The following TANGO6 variants were observed in gnomAD, a reference collection of about 807,000 sequenced individuals.
TANGO6 encodes the protein transport and golgi organization 6 homolog, also known as transport and Golgi organization protein 6 homolog.
In TANGO6, 90 loss-of-function variants were observed where a neutral mutation model predicts 114.2. That is an observed-to-expected ratio of 0.79 (90% CI 0.66 to 0.94). The LOEUF (loss-of-function observed/expected upper bound fraction) is 0.94, where lower values mean the gene tolerates loss of function less well. Ranked by LOEUF, TANGO6 falls within the 40% of genes least tolerant of loss-of-function variation. The probability of loss-of-function intolerance (pLI) is 0.00; values close to 1 mark genes in which losing one functional copy is unlikely to be tolerated. For synonymous variants in TANGO6, 477 were observed against 509.8 expected (o/e 0.94, Z 0.87); for missense variants, 1,274 against 1,315.3 (o/e 0.97, Z 0.49).
At chr16:68,883,211 T>G (rs1007420261) in intron 7 of TANGO6, among the ~76,000 whole-genome samples, 1 of 151,126 alleles carries the variant, frequency 6.6e-6, no homozygotes, top group Non-Finnish European at 1.5e-5. Flanking sequence ...AAAGAAAAGA[T>G]AAAAAATAAA....
chr16:68,856,141 A>G (rs975404527), intron 1 of TANGO6, among the ~76,000 whole-genome samples: 1 of 152,252 alleles, frequency 6.6e-6, no homozygotes, highest in East Asian at 1.9e-4. Context: ...ACCTATTTCA[A>G]TGACAAAGAT....
chr16:68,985,538 C>T (rs1963881239), intron 15 of TANGO6, among the ~76,000 whole-genome samples: 2 of 151,918 alleles, frequency 1.3e-5, no homozygotes, highest in South Asian at 4.2e-4. Context: ...GACGAAACCC[C>T]ATCTCTACAC....
chr16:68,912,057 T>C (rs576581186), intron 11 of TANGO6, among the ~76,000 whole-genome samples: 2 of 152,336 alleles, frequency 1.3e-5, no homozygotes, highest in Non-Finnish European at 2.9e-5. Context: ...AACTCATTAT[T>C]TGGTACCTTG....
chr16:69,072,041 G>GTC (rs1960302272), intron 17 of TANGO6, among the ~76,000 whole-genome samples: 1 of 144,960 alleles, frequency 6.9e-6, no homozygotes. Context: ...GTGTGTGTGT[G>GTC]TGTGTGTGTG....
At chr16:68,909,545 GC>G in intron 11 of TANGO6, 143 bp downstream of exon 11, 2 of 717,474 alleles carry the variant, frequency 2.8e-6, no homozygotes, top group Non-Finnish European at 2.0e-6. Context: ...AAACTACACA[GC>G]CCACACCAGG....
In TANGO6 at chr16:69,063,643, CAAAAAAAAAAAA is replaced by C. The variant is rs770332921; in HGVS notation, c.3109-19826_3109-19815del. Among the ~76,000 whole-genome samples, 536 of 35,798 alleles carry C rather than the reference CAAAAAAAAAAAA, an allele frequency of 0.015. 29 individuals are homozygous for C. The Admixed American group carries it at 0.17, about 11-fold the overall frequency. 23.5% of individuals were successfully genotyped at this position (35,798 alleles called of 152,430 possible). The stretch of plus-strand genomic sequence containing the variant: ...AAAGGCTGCGGTGAGACTCCATCTC[CAAAAAAAAAAAA>C]AAAAAAAAAAAAAAACAAAGTTCTT... On this transcript the variant is annotated intron_variant, in intron 17 of 17. Transcript: ENST00000261778.
At chr16:69,061,966 C>T (rs1385047691) in intron 17 of TANGO6, among the ~76,000 whole-genome samples, 1 of 151,992 alleles carries the variant, frequency 6.6e-6, no homozygotes, top group East Asian at 1.9e-4. Flanking sequence ...TTGCAGCGAG[C>T]CGAGATCGCT....
chr16:68,907,099 A>ATTTTTTTTTTTTTT (rs546359676), intron 9 of TANGO6, among the ~76,000 whole-genome samples: 66 of 114,596 alleles, frequency 5.8e-4, no homozygotes, highest in Non-Finnish European at 7.7e-4. Flanking sequence ...CCAGACCTTG[A>ATTTTTTTTTTTTTT]TTTTTTTTTT....
In TANGO6 at chr16:68,845,153, A is replaced by G. The variant is rs544672025; in HGVS notation, c.94+1442A>G. Among the ~76,000 whole-genome samples, 12 of 152,202 alleles carry G rather than the reference A, an allele frequency of 7.9e-5. No homozygotes were observed. The South Asian group carries it at 2.5e-3, about 32-fold the overall frequency. On this transcript the variant is annotated intron_variant, in intron 1 of 17. Transcript: ENST00000261778. Reference sequence around the variant, plus strand: ...CAGCTAATTTTTGTCTTTTTAGTAGAGACGGAGTTTTGCCATGTTGGCCAG... The same window carrying G: ...CAGCTAATTTTTGTCTTTTTAGTAGGGACGGAGTTTTGCCATGTTGGCCAG...
At chr16:68,889,488 CA>C (rs1262806305) in intron 7 of TANGO6, among the ~76,000 whole-genome samples, 1 of 152,148 alleles carries the variant, frequency 6.6e-6, no homozygotes, top group Admixed American at 6.5e-5. Flanking sequence ...CATATTTGCA[CA>C]TGGTACAAAT....
chr16:68,851,082 C>A (rs1961895502), intron 1 of TANGO6, among the ~76,000 whole-genome samples: 1 of 152,074 alleles, frequency 6.6e-6, no homozygotes, highest in Admixed American at 6.6e-5. Flanking sequence ...TGCAAATAAT[C>A]TGTGATTTCC....
intron 7 of TANGO6, among the ~76,000 whole-genome samples, chr16:68,895,176 T>C (rs1007568440): frequency 6.6e-6 from 1 of 152,098 alleles, no homozygotes; most frequent in Non-Finnish European, 1.5e-5. Flanking sequence ...GTAGTTATTG[T>C]TTGCTTCATA....
At chr16:68,940,482 A>T (rs1963341488) in intron 14 of TANGO6, among the ~76,000 whole-genome samples, 1 of 152,064 alleles carries the variant, frequency 6.6e-6, no homozygotes, top group African/African-American at 2.4e-5. Flanking sequence ...TGATATGTGG[A>T]GTCTTGTTTT....
chr16:69,028,871 A>G (rs866622297), intron 16 of TANGO6, among the ~76,000 whole-genome samples: 216 of 149,562 alleles, frequency 1.4e-3, no homozygotes, highest in Non-Finnish European at 2.0e-3. Flanking sequence ...AAAAAAAAAA[A>G]AAAGAAAAAG....
intron 3 of TANGO6, among the ~76,000 whole-genome samples, chr16:68,866,044 C>A (rs1181198868): frequency 6.6e-6 from 1 of 152,140 alleles, no homozygotes; most frequent in Non-Finnish European, 1.5e-5. Context: ...TGGCAAATAA[C>A]GTTCATAAGA....
intron 17 of TANGO6, among the ~76,000 whole-genome samples, chr16:69,069,823 T>A (rs1160436907): frequency 6.6e-6 from 1 of 152,088 alleles, no homozygotes; most frequent in Non-Finnish European, 1.5e-5. Flanking sequence ...GGGTCTCCAT[T>A]CCAGACCCCA....
chr16:68,848,740 G>T (rs1422987429), intron 1 of TANGO6, among the ~76,000 whole-genome samples: 2 of 152,048 alleles, frequency 1.3e-5, no homozygotes, highest in African/African-American at 2.4e-5. Context: ...ACCTCCAAAG[G>T]TAACCAATGA....
chr16:68,960,414 G>A (rs2152208778), intron 14 of TANGO6, among the ~76,000 whole-genome samples: 1 of 151,550 alleles, frequency 6.6e-6, no homozygotes, highest in Non-Finnish European at 1.5e-5. Context: ...TCATTCACAG[G>A]TATTTGATAG....
intron 3 of TANGO6, among the ~76,000 whole-genome samples, chr16:68,866,642 A>AG (rs1286843265): frequency 6.6e-6 from 1 of 151,080 alleles, no homozygotes; most frequent in East Asian, 2.0e-4. Context: ...AAAAAAAAAA[A>AG]AAAGTAATGT....
Sources: gnomAD v4.1 joint callset for allele counts (sites outside exome capture counted in the v4.1 genomes callset) on GRCh38, gnomAD v4.1.1 for gene constraint, MANE v1.5 for transcripts, NCBI Gene and HGNC (gene_info 2026-07-23, HGNC 2026-07-21) for gene names.